Variants in MEGF10 observed in about 807,000 individuals in gnomAD.
The protein encoded by MEGF10 is multiple EGF like domains 10.
A neutral mutation model predicts 147.5 loss-of-function variants in MEGF10; 86 were observed. That is an observed-to-expected ratio of 0.58 (90% confidence interval 0.49 to 0.70). The LOEUF (loss-of-function observed/expected upper bound fraction) is 0.70. Ranked by LOEUF, MEGF10 falls within the 30% of genes least tolerant of loss-of-function variation. MEGF10 has a pLI of 0.00. For missense variants in MEGF10, 1,329 were observed against 1,487.3 expected (o/e 0.89, Z 1.75); for synonymous variants, 478 against 525.5 (o/e 0.91, Z 1.24).
At chr5:127,333,860 C>A (rs1761365421) in intron 2 of MEGF10, among the ~76,000 whole-genome samples, 1 of 152,104 alleles carries the variant, frequency 6.6e-6, no homozygotes, top group Admixed American at 6.6e-5. Flanking sequence ...TAGAACCCAA[C>A]AACTGTGCAA....
At position 127,435,366 on chromosome 5, in the gene MEGF10, C is replaced by A; in HGVS notation, c.1981C>A (p.Pro661Thr). Reference sequence around the variant, plus strand: ...GACCTATAGCTTATTCACAGTGTGTCCCAGTGGCAGATTTGGGAAAAACTG... The same window carrying A: ...GACCTATAGCTTATTCACAGTGTGTACCAGTGGCAGATTTGGGAAAAACTG... ...FTGALCNEVC[P>T]SGRFGKNCAG... Residue 661 changes from proline to threonine, a missense_variant, in exon 16 of 25, where the codon CCC (proline) becomes ACC (threonine). Coordinates refer to ENST00000503335, the MANE Select transcript of MEGF10 (RefSeq NM_001256545.2). 6.2e-7 allele frequency: 1 copy of A among 1,613,850 alleles called. No individual in the cohort carries two copies. Among genetic ancestry groups the A allele is most frequent in the Non-Finnish European group, 8.5e-7 (1 of 1,179,886 alleles).
At chr5:127,359,283 T>C (rs896429484) in intron 4 of MEGF10, among the ~76,000 whole-genome samples, 1 of 123,238 alleles carries the variant, frequency 8.1e-6, no homozygotes, top group African/African-American at 3.4e-5. Flanking sequence ...TAGCTCAGAT[T>C]TTTTTTTTTC....
At chr5:127,249,303 A>G in the MEGF10 span, among the ~76,000 whole-genome samples, 2 of 151,940 alleles carry the variant, frequency 1.3e-5, no homozygotes, top group South Asian at 4.1e-4. Context: ...TTAAAAATAT[A>G]TACTATAATC....
At chr5:127,248,296 A>G in the MEGF10 span, among the ~76,000 whole-genome samples, 1 of 152,152 alleles carries the variant, frequency 6.6e-6, no homozygotes, top group African/African-American at 2.4e-5. Context: ...CAAACTGTGT[A>G]TAATAGATCA....
chr5:127,354,050 C>T (rs1399188706), intron 4 of MEGF10, among the ~76,000 whole-genome samples: 1 of 152,188 alleles, frequency 6.6e-6, no homozygotes, highest in Non-Finnish European at 1.5e-5. Flanking sequence ...AATTGATTAC[C>T]AGAGCAGTGA....
chr5:127,305,334 T>C (rs1759963931), intron 1 of MEGF10, among the ~76,000 whole-genome samples: 1 of 152,142 alleles, frequency 6.6e-6, no homozygotes, highest in Non-Finnish European at 1.5e-5. Flanking sequence ...CTCATAGCTG[T>C]GTGTTCATAG....
At chr5:127,284,867 T>C in the MEGF10 span, among the ~76,000 whole-genome samples, 1 of 152,130 alleles carries the variant, frequency 6.6e-6, no homozygotes, top group African/African-American at 2.4e-5. Context: ...AAATTATGGG[T>C]ATAAGAAGCC....
upstream of MEGF10, among the ~76,000 whole-genome samples, chr5:127,288,414 A>C (rs1365038255): frequency 2.0e-5 from 3 of 152,182 alleles, no homozygotes; most frequent in Non-Finnish European, 4.4e-5. Flanking sequence ...ACTTGATTAA[A>C]AATTGGGCAA....
chr5:127,341,404 G>T lies in MEGF10; in HGVS notation c.319+774G>T, dbSNP rs74480698. Among the ~76,000 whole-genome samples, 365 of 152,282 alleles carry T rather than the reference G, an allele frequency of 2.4e-3. 1 individual carries two copies. Among genetic ancestry groups the T allele is most frequent in the African/African-American group, 8.0e-3 (334 of 41,556 alleles). ...TGATGTTGAGTAGCACAGAGAGAAGGTTCTGCTGTAATTTGGAGGCACCAG... is the reference window on the plus strand; with the variant it reads ...TGATGTTGAGTAGCACAGAGAGAAGTTTCTGCTGTAATTTGGAGGCACCAG... On this transcript the variant is annotated intron_variant, in intron 4 of 24. Coordinates refer to ENST00000503335, the MANE Select transcript of MEGF10 (RefSeq NM_001256545.2).
the MEGF10 span, among the ~76,000 whole-genome samples, chr5:127,235,505 T>TA: frequency 6.6e-6 from 1 of 152,274 alleles, no homozygotes; most frequent in Non-Finnish European, 1.5e-5. Flanking sequence ...CTAGTTGTTT[T>TA]TAGCTATTTG....
intron 9 of MEGF10, among the ~76,000 whole-genome samples, chr5:127,413,970 T>C (rs1033495737): frequency 3.3e-5 from 5 of 152,236 alleles, no homozygotes; most frequent in Non-Finnish European, 7.3e-5. Flanking sequence ...TTTTCTACTT[T>C]TCAATGTAAA....
At chr5:127,306,767 A>C (rs934968123) in intron 1 of MEGF10, among the ~76,000 whole-genome samples, 1 of 152,220 alleles carries the variant, frequency 6.6e-6, no homozygotes, top group Non-Finnish European at 1.5e-5. Context: ...AAGCGGAGCT[A>C]CCTAAGGAGA....
At chr5:127,424,290 A>G in intron 13 of MEGF10, 1 of 702,434 alleles carries the variant, frequency 1.4e-6, no homozygotes, top group Non-Finnish European at 2.6e-6. Context: ...AGGAGGAAGC[A>G]TTAAAACTGA....
the MEGF10 span, among the ~76,000 whole-genome samples, chr5:127,257,023 G>T: frequency 6.6e-6 from 1 of 152,128 alleles, no homozygotes; most frequent in Admixed American, 6.5e-5. Context: ...AAATGAATGA[G>T]TCCCAAGAAC....
At chr5:127,266,993 T>C in the MEGF10 span, among the ~76,000 whole-genome samples, 7,632 of 152,314 alleles carry the variant, frequency 0.05, 320 homozygotes, top group African/African-American at 0.11. Context: ...CATCCCTGTC[T>C]TGTGCCAGTT....
At chr5:127,454,705 G>A in intron 23 of MEGF10, 95 bp downstream of exon 23, 1 of 1,136,612 alleles carries the variant, frequency 8.8e-7, no homozygotes, top group South Asian at 1.5e-5. Flanking sequence ...AGAATGGCAA[G>A]AGAAAATGTA....
At position 127,390,649 on chromosome 5, in the gene MEGF10, T is replaced by A. The variant is rs560523140; in HGVS notation, c.413-5883T>A. Reference sequence around the variant, plus strand: ...ATAAATATGGTTCCAGTTCATAAAATCATCTTCTATAAAAATCATTTAATT... The same window carrying A: ...ATAAATATGGTTCCAGTTCATAAAAACATCTTCTATAAAAATCATTTAATT... On this transcript the variant is annotated intron_variant, in intron 5 of 24. Coordinates refer to ENST00000503335, the MANE Select transcript of MEGF10 (RefSeq NM_001256545.2). 2.8e-4 allele frequency among the ~76,000 whole-genome samples: 42 copies of A among 152,342 alleles called. No homozygotes were observed. In the South Asian group the frequency reaches 7.7e-3, roughly 28 times the overall value.
intron 18 of MEGF10, 22 bp from the exon 19 acceptor site, chr5:127,442,976 A>G (rs768323334): frequency 1.9e-6 from 3 of 1,603,900 alleles, no homozygotes; most frequent in South Asian, 1.1e-5. Flanking sequence ...TTGGAAAGCT[A>G]CATTTGACTT....
chr5:127,332,655 T>C lies in MEGF10; in HGVS notation c.116+1231T>C, dbSNP rs551126394. On this transcript the variant is annotated intron_variant, in intron 2 of 24. Coordinates refer to ENST00000503335, the MANE Select transcript of MEGF10 (RefSeq NM_001256545.2). ...AAGCTGCAGAGAGAATATATGTATA[T>C]AATAAAGTTCTATATATTTGTGGTA... 2.6e-5 allele frequency among the ~76,000 whole-genome samples: 4 copies of C among 152,278 alleles called. No individual in the cohort carries two copies. The East Asian group carries it at 5.8e-4, about 22-fold the overall frequency.
Sources: allele counts gnomAD v4.1 joint callset (sites outside exome capture counted in the v4.1 genomes callset), GRCh38; gene constraint gnomAD v4.1.1; transcripts MANE v1.5; gene names NCBI Gene and HGNC (gene_info 2026-07-23, HGNC 2026-07-21).